The following MASP1 variants were observed in gnomAD, a reference collection of about 807,000 sequenced individuals.
MASP1 encodes the protein mannan-binding lectin serine protease 1.
MASP1 carries 59 observed loss-of-function variants against 77.1 expected under a neutral mutation model. The ratio of observed to expected loss-of-function variants is 0.77; its 90% CI spans 0.62 to 0.95. MASP1 has a LOEUF of 0.95. Ranked by LOEUF, MASP1 falls within the 40% of genes least tolerant of loss-of-function variation. The probability of loss-of-function intolerance (pLI) is 0.00; values close to 1 mark genes in which losing one functional copy is unlikely to be tolerated. For synonymous variants in MASP1, 362 were observed against 354.5 expected (o/e 1.02, Z -0.24); for missense variants, 885 against 912.9 (o/e 0.97, Z 0.39).
At chr3:187,280,846 G>T (rs1204878685) in intron 2 of MASP1, among the ~76,000 whole-genome samples, 1 of 152,140 alleles carries the variant, frequency 6.6e-6, no homozygotes, top group African/African-American at 2.4e-5. Flanking sequence ...GCCCTTCCCT[G>T]GACTTTGGAC....
intron 2 of MASP1, among the ~76,000 whole-genome samples, chr3:187,279,209 C>T (rs1385187778): frequency 1.3e-5 from 2 of 152,302 alleles, no homozygotes; most frequent in East Asian, 1.9e-4. Context: ...GATAGAGACA[C>T]TGGGGAAAAA....
rs1054753188 is a variant in MASP1, at chr3:187,225,589, AG to A, written c.1556-81del. ...CTTGTTCCCTGTCAGCCCCCGCCCCAGCCCCATCCAGCCCTTGCTTCCAGCC... is the reference window on the plus strand; with the variant it reads ...CTTGTTCCCTGTCAGCCCCCGCCCCACCCCATCCAGCCCTTGCTTCCAGCC... On this transcript the variant is annotated intron_variant, in intron 12 of 15. Transcript: ENST00000337774. 14 of 1,408,562 alleles carry A rather than the reference AG, an allele frequency of 9.9e-6. No homozygotes were observed. The African/African-American group carries it at 1.4e-4, about 14-fold the overall frequency. The allele number at this position is 1,408,562 out of a possible 1,614,324, so 87.3% of individuals were successfully genotyped here. A position where few individuals can be genotyped will look rare whatever the true frequency, so the allele number is the denominator to read the frequency against.
intron 14 of MASP1, chr3:187,221,164 T>A: frequency 1.3e-6 from 2 of 1,553,418 alleles, no homozygotes; most frequent in Non-Finnish European, 1.8e-6. Context: ...TTGGTCCTCA[T>A]CCCCGGCTGA....
At chr3:187,274,671 C>A (rs1297991018) in intron 2 of MASP1, among the ~76,000 whole-genome samples, 1 of 152,106 alleles carries the variant, frequency 6.6e-6, no homozygotes, top group Non-Finnish European at 1.5e-5. Flanking sequence ...GCTGAGTGAG[C>A]CCCTAAGCAG....
rs1489491398 is a variant in MASP1 at position 187,225,313 on chromosome 3, G to A, written c.1741+11C>T. 1.9e-6 allele frequency: 3 copies of A among 1,612,384 alleles called. No individual in the cohort carries two copies. In the African/African-American group the frequency reaches 4.0e-5, roughly 22 times the overall value. On this transcript the variant is annotated intron_variant, in intron 13 of 15. Coordinates refer to the MASP1 transcript ENST00000337774. The stretch of plus-strand genomic sequence containing the variant: ...CAGCTGCCCTGCAGAGGTGGAGGTA[G>A]GGGAAAGTACCTTCCTGCTGGGGTC...
exon 16 of MASP1, chr3:187,220,022 C>T (rs748688589): frequency 6.3e-7 from 1 of 1,596,338 alleles, no homozygotes; most frequent in Non-Finnish European, 8.6e-7. Flanking sequence ...GGATCGTCCT[C>T]TGCTACTGAC....
intron 10 of MASP1, among the ~76,000 whole-genome samples, chr3:187,241,219 T>C (rs912328511): frequency 2.6e-5 from 4 of 152,270 alleles, no homozygotes; most frequent in African/African-American, 9.6e-5. Flanking sequence ...GCAAACTGTG[T>C]TATATGAAAA....
At chr3:187,290,813 CACTT>C (rs1202332192) in intron 1 of MASP1, among the ~76,000 whole-genome samples, 3 of 151,428 alleles carry the variant, frequency 2.0e-5, no homozygotes, top group African/African-American at 7.3e-5. Context: ...ACAGCATTAA[CACTT>C]AACTAATAAA....
chr3:187,222,383 A>T (rs925408820), intron 14 of MASP1, among the ~76,000 whole-genome samples: 1 of 152,170 alleles, frequency 6.6e-6, no homozygotes, highest in African/African-American at 2.4e-5. Context: ...CCAAGGAAAC[A>T]CCAAATAGAC....
At chr3:187,288,375 T>A (rs1168222277) in intron 1 of MASP1, among the ~76,000 whole-genome samples, 1 of 152,122 alleles carries the variant, frequency 6.6e-6, no homozygotes, top group Non-Finnish European at 1.5e-5. Context: ...GGGCTGGGAG[T>A]TCAGGTTCAG....
chr3:187,253,620 T>C (rs1714819295), intron 5 of MASP1, among the ~76,000 whole-genome samples: 1 of 152,174 alleles, frequency 6.6e-6, no homozygotes, highest in Non-Finnish European at 1.5e-5. Context: ...AGACTGGCAT[T>C]GATGTGGCAC....
intron 2 of MASP1, among the ~76,000 whole-genome samples, chr3:187,268,091 G>T (rs769851076): frequency 1.3e-5 from 2 of 152,194 alleles, no homozygotes; most frequent in Non-Finnish European, 2.9e-5. Context: ...GAAAAACAGT[G>T]AAGAGACTGC....
chr3:187,231,521 T>C (rs1488315047), downstream of MASP1, among the ~76,000 whole-genome samples: 1 of 152,248 alleles, frequency 6.6e-6, no homozygotes, highest in Non-Finnish European at 1.5e-5. Flanking sequence ...CATTTGAATA[T>C]TTAACAGGTC....
chr3:187,221,598 C>T (rs892522628), intron 14 of MASP1, among the ~76,000 whole-genome samples: 3 of 152,166 alleles, frequency 2.0e-5, no homozygotes, highest in African/African-American at 7.2e-5. Flanking sequence ...ATTTGATATA[C>T]TAATCATTGT....
Position 187,251,709 on chromosome 3 carries a change from G to A in MASP1, c.936C>T (p.Ile312=), listed in dbSNP as rs1714618133. The A allele has an allele frequency of 2.5e-6, 4 of 1,613,994 alleles. No homozygotes were observed. The highest frequency in any genetic ancestry group is 1.1e-5 in the South Asian group (1 of 91,076). The part of the protein sequence containing the change: ...PELQPPVHGK[I]EPSQAKYFFK... ...AGAAATACTTGGCTTGGGAGGGCTC[G>A]ATTTTCCCATGGACAGGAGGCTGTA... Residue 312 remains isoleucine, a synonymous_variant, in exon 7 of 11, where the codon ATC becomes ATT. Transcript: ENST00000296280.
intron 14 of MASP1, among the ~76,000 whole-genome samples, chr3:187,222,689 T>G (rs948525854): frequency 6.6e-6 from 1 of 151,842 alleles, no homozygotes; most frequent in African/African-American, 2.4e-5. Flanking sequence ...TGTTTTTTTT[T>G]TTTTTCCTTG....
chr3:187,289,042 G>GT (rs1227081551), intron 1 of MASP1, among the ~76,000 whole-genome samples: 4 of 152,152 alleles, frequency 2.6e-5, no homozygotes, highest in African/African-American at 9.7e-5. Flanking sequence ...CTCTCTGAAT[G>GT]TTTTTGGCTT....
chr3:187,257,835 G>A (rs1324509063), intron 4 of MASP1, among the ~76,000 whole-genome samples: 1 of 152,114 alleles, frequency 6.6e-6, no homozygotes, highest in Non-Finnish European at 1.5e-5. Flanking sequence ...GCCCCCTGTG[G>A]CAAAGGATCT....
intron 6 of MASP1, among the ~76,000 whole-genome samples, chr3:187,252,855 T>C (rs1384992779): frequency 6.6e-6 from 1 of 152,234 alleles, no homozygotes; most frequent in Non-Finnish European, 1.5e-5. Context: ...TCCTCAAGTC[T>C]ACTGAATCAC....
Sources: gnomAD v4.1 joint callset for allele counts (sites outside exome capture counted in the v4.1 genomes callset) on GRCh38, gnomAD v4.1.1 for gene constraint, MANE v1.5 for transcripts, NCBI Gene and HGNC (gene_info 2026-07-23, HGNC 2026-07-21) for gene names.